CNTN3: variants seen among roughly 807,000 people sequenced by gnomAD.
The protein encoded by CNTN3 is contactin-3.
In CNTN3, 60 loss-of-function variants were observed where a neutral mutation model predicts 119.1. The ratio of observed to expected loss-of-function variants is 0.50; its 90% CI spans 0.41 to 0.62. The LOEUF (loss-of-function observed/expected upper bound fraction) is 0.62, where lower values mean the gene tolerates loss of function less well. Among genes scored for constraint, CNTN3 ranks in the 20% least tolerant of loss-of-function variants. The pLI, the probability that CNTN3 is intolerant of heterozygous loss-of-function variation, is 0.00. For missense variants in CNTN3, 1,101 were observed against 1,242.4 expected (o/e 0.89, Z 1.71); for synonymous variants, 450 against 438.7 (o/e 1.03, Z -0.32).
intron 2 of CNTN3, among the ~76,000 whole-genome samples, chr3:74,519,007 G>T (rs1237056656): frequency 6.6e-6 from 1 of 151,776 alleles, no homozygotes. Context: ...ATAATTTCAT[G>T]AAGGTAATCT....
chr3:74,462,054 G>A (rs998668342), intron 4 of CNTN3, among the ~76,000 whole-genome samples: 2 of 151,942 alleles, frequency 1.3e-5, no homozygotes, highest in Non-Finnish European at 2.9e-5. Flanking sequence ...CATCTCTTTG[G>A]TGCTGTTCTC....
intron 5 of CNTN3, among the ~76,000 whole-genome samples, chr3:74,414,431 A>C (rs572860341): frequency 5.9e-5 from 9 of 152,206 alleles, no homozygotes; most frequent in Admixed American, 2.6e-4. Context: ...CTATTCCTTT[A>C]AATGGTTTTT....
rs1289605201 is a variant in CNTN3 at position 74,365,780 on chromosome 3, T to TA, written c.947-79dup. The TA allele has an allele frequency of 1.3e-5, 19 of 1,467,076 alleles. 1 individual carries two copies. In the Admixed American group the frequency reaches 3.2e-4, roughly 25 times the overall value. 90.9% of individuals were successfully genotyped at this position (1,467,076 alleles called of 1,614,324 possible). A position where few individuals can be genotyped will look rare whatever the true frequency, so the allele number is the denominator to read the frequency against. On this transcript the variant is annotated intron_variant, in intron 8 of 22. Transcript: ENST00000263665. ...AAATGTATTTATTATTTTATTATCTTACCTGGATTAATAGAAATGGACATG... is the reference window on the plus strand; with the variant it reads ...AAATGTATTTATTATTTTATTATCTTAACCTGGATTAATAGAAATGGACATG...
chr3:74,417,527 T>C (rs1701543074), intron 5 of CNTN3, among the ~76,000 whole-genome samples: 1 of 152,096 alleles, frequency 6.6e-6, no homozygotes, highest in African/African-American at 2.4e-5. Flanking sequence ...ATGAATACAA[T>C]GGATGGATGG....
chr3:74,437,308 A>G (rs1277364144), intron 4 of CNTN3, among the ~76,000 whole-genome samples: 1 of 151,294 alleles, frequency 6.6e-6, no homozygotes, highest in Non-Finnish European at 1.5e-5. Flanking sequence ...TAAAAATACA[A>G]AAAATTAGCC....
intron 4 of CNTN3, among the ~76,000 whole-genome samples, chr3:74,457,047 A>T (rs1375618302): frequency 6.6e-6 from 1 of 152,090 alleles, no homozygotes; most frequent in African/African-American, 2.4e-5. Flanking sequence ...TTATTTTAAG[A>T]TTATTAAAAT....
chr3:74,586,311 G>A (rs1421171422), intron 1 of CNTN3, among the ~76,000 whole-genome samples: 4 of 152,078 alleles, frequency 2.6e-5, no homozygotes, highest in Admixed American at 1.3e-4. Context: ...TTAATAAAAT[G>A]AGAGACTGAA....
rs138536340 is a variant in CNTN3 at position 74,496,462 on chromosome 3, T to C, written c.182+3197A>G. Among the ~76,000 whole-genome samples, 994 of 152,212 alleles carry C rather than the reference T, an allele frequency of 6.5e-3. 6 individuals carry two copies. The highest frequency in any genetic ancestry group is 9.4e-3 in the Non-Finnish European group (641 of 67,970). On this transcript the variant is annotated intron_variant, in intron 3 of 22. Transcript: ENST00000263665. ...CCAGTCATTATTCAATATGTCTATA[T>C]GTTCTTCAGGCAGGCCTTCCTCTTT... is the stretch of plus-strand genomic sequence containing the variant.
At chr3:74,369,829 C>A in intron 7 of CNTN3, 60 bp downstream of exon 7, 2 of 908,608 alleles carry the variant, frequency 2.2e-6, no homozygotes, top group Non-Finnish European at 3.5e-6. Flanking sequence ...CAAAAACCAT[C>A]CTGATTTCTT....
intron 20 of CNTN3, among the ~76,000 whole-genome samples, chr3:74,270,709 T>C (rs1260646979): frequency 6.6e-6 from 1 of 152,194 alleles, no homozygotes; most frequent in African/African-American, 2.4e-5. Context: ...TATTTGAACC[T>C]GTGTGGAAGT....
intron 13 of CNTN3, among the ~76,000 whole-genome samples, chr3:74,322,965 A>G (rs1012245605): frequency 6.6e-6 from 1 of 152,178 alleles, no homozygotes; most frequent in African/African-American, 2.4e-5. Flanking sequence ...CAATAAAAAG[A>G]TTAGTGGTTG....
intron 4 of CNTN3, among the ~76,000 whole-genome samples, chr3:74,466,579 C>A (rs1287013700): frequency 1.3e-5 from 2 of 151,856 alleles, no homozygotes; most frequent in Non-Finnish European, 2.9e-5. Flanking sequence ...AACTTAAGGC[C>A]GAGATGAGTT....
chr3:74,417,607 T>C (rs998014299), intron 5 of CNTN3, among the ~76,000 whole-genome samples: 5 of 152,204 alleles, frequency 3.3e-5, no homozygotes, highest in Non-Finnish European at 7.3e-5. Context: ...GCTCAATTAA[T>C]ATTTTAAATT....
intron 10 of CNTN3, 67 bp downstream of exon 10, chr3:74,364,399 CT>C: frequency 6.9e-7 from 1 of 1,459,722 alleles, no homozygotes. Flanking sequence ...GTAAATATTA[CT>C]GCTTCTGGAA....
At chr3:74,521,222 T>TAA (rs59140298) in intron 1 of CNTN3, 30 bp from the exon 2 acceptor site, 491 of 317,844 alleles carry the variant, frequency 1.5e-3, no homozygotes, top group Non-Finnish European at 2.0e-3. Flanking sequence ...AGAAGTTCGT[T>TAA]AAAAAAAAAA....
chr3:74,475,878 A>T (rs947006400), intron 4 of CNTN3, among the ~76,000 whole-genome samples: 7 of 152,182 alleles, frequency 4.6e-5, no homozygotes, highest in African/African-American at 1.7e-4. Context: ...AGCTGACCAA[A>T]GTGACATTCT....
intron 11 of CNTN3, among the ~76,000 whole-genome samples, chr3:74,343,443 CT>C (rs1703599220): frequency 6.6e-6 from 1 of 152,202 alleles, no homozygotes; most frequent in African/African-American, 2.4e-5. Context: ...AGTGATTGTC[CT>C]TCTACTTAGA....
At chr3:74,439,414 GGA>G (rs376716135) in intron 4 of CNTN3, among the ~76,000 whole-genome samples, 53 of 152,188 alleles carry the variant, frequency 3.5e-4, no homozygotes, top group African/African-American at 1.2e-3. Flanking sequence ...GGCTGAGGCA[GGA>G]GAGTCTCTTG....
chr3:74,342,695 A>G (rs1459682159), intron 11 of CNTN3, among the ~76,000 whole-genome samples: 1 of 152,244 alleles, frequency 6.6e-6, no homozygotes, highest in Non-Finnish European at 1.5e-5. Context: ...TATTAACATG[A>G]CAAATATATT....
Sources: gnomAD v4.1 joint callset for allele counts (sites outside exome capture counted in the v4.1 genomes callset) on GRCh38, gnomAD v4.1.1 for gene constraint, MANE v1.5 for transcripts, NCBI Gene and HGNC (gene_info 2026-07-23, HGNC 2026-07-21) for gene names.